Variants in ELMOD1 observed in about 807,000 individuals in gnomAD.
ELMOD1 encodes ELMO domain containing 1.
A neutral mutation model predicts 46.7 loss-of-function variants in ELMOD1; 21 were observed. That is an observed-to-expected ratio of 0.45 (90% CI 0.32 to 0.65). The LOEUF is 0.65. ELMOD1 is among the 30% of genes least tolerant of loss of function. ELMOD1 has a pLI of 0.04. For synonymous variants in ELMOD1, 122 were observed against 138.2 expected, an observed-to-expected ratio of 0.88 and a Z score of 0.82; for missense variants, 348 against 407.8, an observed-to-expected ratio of 0.85 and a Z score of 1.26.
At chr11:107,642,231 C>T (rs377335632) in intron 6 of ELMOD1, among the ~76,000 whole-genome samples, 4 of 152,178 alleles carry the variant, frequency 2.6e-5, no homozygotes, top group Admixed American at 6.5e-5. Context: ...CCTGAGCCAC[C>T]GCACGTGGCC....
At chr11:107,604,869 T>C (rs2135657739) in intron 1 of ELMOD1, among the ~76,000 whole-genome samples, 1 of 152,364 alleles carries the variant, frequency 6.6e-6, no homozygotes, top group African/African-American at 2.4e-5. Context: ...CAGAGTACCC[T>C]GCTTGCCTCC....
At chr11:107,605,509 T>C (rs182447616) in intron 1 of ELMOD1, among the ~76,000 whole-genome samples, 1 of 152,200 alleles carries the variant, frequency 6.6e-6, no homozygotes, top group Non-Finnish European at 1.5e-5. Flanking sequence ...CCTTGAGAGA[T>C]GAATTTCATC....
intron 6 of ELMOD1, 48 bp from the exon 7 acceptor site, chr11:107,647,420 A>G (rs763894671): frequency 3.2e-6 from 5 of 1,564,034 alleles, no homozygotes; most frequent in South Asian, 1.2e-5. Flanking sequence ...ATCTGAACCA[A>G]TAGGAAAGGG....
At chr11:107,612,611 A>G (rs995495326) in intron 1 of ELMOD1, among the ~76,000 whole-genome samples, 4 of 152,236 alleles carry the variant, frequency 2.6e-5, no homozygotes, top group South Asian at 4.1e-4. Flanking sequence ...AGAATGAAAT[A>G]GATGAGCTCA....
chr11:107,644,287 C>A (rs1419239708), intron 6 of ELMOD1, among the ~76,000 whole-genome samples: 1 of 150,964 alleles, frequency 6.6e-6, no homozygotes, highest in African/African-American at 2.4e-5. Context: ...CAGAGTGAGA[C>A]CCTGTCTCCA....
chr11:107,647,808 G>T (rs1866458175), intron 7 of ELMOD1, among the ~76,000 whole-genome samples: 1 of 152,062 alleles, frequency 6.6e-6, no homozygotes, highest in Non-Finnish European at 1.5e-5. Flanking sequence ...GATTTTTAAA[G>T]CAAATCTCAA....
rs772308524 is a variant in ELMOD1 at position 107,635,632 on chromosome 11, C to G, written c.291-4C>G. 1.2e-6 allele frequency: 2 copies of G among 1,612,426 alleles called. No individual in the cohort carries two copies. Among genetic ancestry groups the G allele is most frequent in the Non-Finnish European group, 8.5e-7 (1 of 1,179,266 alleles). ...TGTGTCTCTTCTGTTTTTGAACACC[C>G]TAGGCTGGGAATCTCTCTTCAGGCT... On this transcript the variant is annotated splice_region_variant and splice_polypyrimidine_tract_variant and intron_variant, in intron 5 of 11. Transcript: ENST00000265840.
chr11:107,622,253 T>C (rs1446795931), intron 2 of ELMOD1, among the ~76,000 whole-genome samples: 2 of 152,194 alleles, frequency 1.3e-5, no homozygotes, highest in African/African-American at 4.8e-5. Context: ...TGTGGGATGC[T>C]GTAAACAAGG....
intron 1 of ELMOD1, among the ~76,000 whole-genome samples, chr11:107,602,329 G>A (rs1865614316): frequency 6.6e-6 from 1 of 152,112 alleles, no homozygotes; most frequent in African/African-American, 2.4e-5. Context: ...AAGGAGCTGG[G>A]TACCCTGTGG....
chr11:107,611,235 C>A (rs1014412471), intron 1 of ELMOD1, among the ~76,000 whole-genome samples: 7 of 151,366 alleles, frequency 4.6e-5, no homozygotes, highest in African/African-American at 1.7e-4. Flanking sequence ...TAAAACCAGG[C>A]TTAATTAAAC....
chr11:107,611,013 A>G (rs200721893), intron 1 of ELMOD1, among the ~76,000 whole-genome samples: 3 of 150,554 alleles, frequency 2.0e-5, no homozygotes, highest in East Asian at 2.0e-4. Context: ...AAAAAAAAAA[A>G]AAAAGAAAAC....
At chr11:107,601,161 G>A (rs1213884202) in intron 1 of ELMOD1, among the ~76,000 whole-genome samples, 1 of 151,754 alleles carries the variant, frequency 6.6e-6, no homozygotes, top group Non-Finnish European at 1.5e-5. Flanking sequence ...CTGTTTCTTA[G>A]TATATTAAAA....
At chr11:107,616,003 T>A (rs1428572222) in intron 1 of ELMOD1, among the ~76,000 whole-genome samples, 6 of 140,766 alleles carry the variant, frequency 4.3e-5, no homozygotes, top group Non-Finnish European at 9.2e-5. Flanking sequence ...TTTTTTTTTT[T>A]TTTTTTTTTT....
At chr11:107,622,434 G>A (rs371550753) in intron 2 of ELMOD1, among the ~76,000 whole-genome samples, 12 of 152,154 alleles carry the variant, frequency 7.9e-5, no homozygotes, top group Non-Finnish European at 1.2e-4. Context: ...TTTTCACCCC[G>A]ACTTAAAGAG....
chr11:107,642,940 C>T, intron 6 of ELMOD1: 1 of 342,258 alleles, frequency 2.9e-6, no homozygotes. Context: ...AAAGTTGGTA[C>T]AATCAGGTTA....
At chr11:107,647,687 A>T in intron 7 of ELMOD1, 86 bp downstream of exon 7, 3 of 1,390,280 alleles carry the variant, frequency 2.2e-6, no homozygotes, top group Middle Eastern at 3.7e-4. Flanking sequence ...AATTAGCTTC[A>T]AAAGGTACTT....
chr11:107,623,633 C>T (rs922712005), intron 2 of ELMOD1: 17 of 152,314 alleles, frequency 1.1e-4, no homozygotes, highest in African/African-American at 3.4e-4. Context: ...CTGAGAGGAA[C>T]GTACTGTCTC....
intron 6 of ELMOD1, among the ~76,000 whole-genome samples, chr11:107,640,806 T>G (rs1041708440): frequency 2.0e-5 from 3 of 152,208 alleles, no homozygotes; most frequent in African/African-American, 7.2e-5. Context: ...ATTATAAAAT[T>G]ATTCAATCTG....
At chr11:107,652,930 A>G (rs1274233568) in intron 9 of ELMOD1, among the ~76,000 whole-genome samples, 1 of 152,174 alleles carries the variant, frequency 6.6e-6, no homozygotes, top group African/African-American at 2.4e-5. Flanking sequence ...TTCTAGTTAG[A>G]TAGAGAGAAA....
Sources: gnomAD v4.1 joint callset for allele counts (sites outside exome capture counted in the v4.1 genomes callset) on GRCh38, gnomAD v4.1.1 for gene constraint, MANE v1.5 for transcripts, NCBI Gene and HGNC (gene_info 2026-07-23, HGNC 2026-07-21) for gene names.